SORBS2: variants seen among roughly 807,000 people sequenced by gnomAD.
SORBS2 encodes sorbin and SH3 domain-containing protein 2.
Under a neutral mutation model 97.7 loss-of-function variants are expected in SORBS2, and 46 were observed. The observed-to-expected ratio is 0.47, with a 90% CI of 0.37 to 0.60. The LOEUF (loss-of-function observed/expected upper bound fraction) is 0.60. Among genes scored for constraint, SORBS2 ranks in the 20% least tolerant of loss-of-function variants. The pLI is 0.00. For synonymous variants in SORBS2, 476 were observed against 473.4 expected (o/e 1.01, Z -0.07); for missense variants, 1,316 against 1,282.3 (o/e 1.03, Z -0.40).
chr4:185,808,334 A>G (rs2153664585), intron 1 of SORBS2, among the ~76,000 whole-genome samples: 1 of 152,272 alleles, frequency 6.6e-6, no homozygotes, highest in East Asian at 1.9e-4. Context: ...TTTATATACA[A>G]AAATTCATAC....
intron 4 of SORBS2, among the ~76,000 whole-genome samples, chr4:185,674,475 G>A (rs1184180517): frequency 6.6e-6 from 1 of 152,130 alleles, no homozygotes; most frequent in Non-Finnish European, 1.5e-5. Flanking sequence ...TGGTTTGCCT[G>A]ATCTCCTCCT....
At chr4:185,750,373 A>C (rs1175926727) in intron 2 of SORBS2, among the ~76,000 whole-genome samples, 1 of 152,238 alleles carries the variant, frequency 6.6e-6, no homozygotes, top group Non-Finnish European at 1.5e-5. Context: ...TGGAAACAGG[A>C]AGAACTGAGA....
At chr4:185,676,333 G>A (rs1375120555) in intron 4 of SORBS2, among the ~76,000 whole-genome samples, 1 of 152,184 alleles carries the variant, frequency 6.6e-6, no homozygotes, top group African/African-American at 2.4e-5. Context: ...ATTGTTCTAT[G>A]GAGAAGTCAA....
At chr4:185,601,515 C>G (rs1382810114) in intron 12 of SORBS2, among the ~76,000 whole-genome samples, 2 of 152,158 alleles carry the variant, frequency 1.3e-5, no homozygotes, top group African/African-American at 4.8e-5. Flanking sequence ...CAGATGGAAA[C>G]TCCTGGGTTC....
chr4:185,675,497 G>A (rs1582477563), intron 4 of SORBS2: 1 of 152,370 alleles, frequency 6.6e-6, no homozygotes, highest in East Asian at 1.9e-4. Flanking sequence ...CACTCTTTCA[G>A]AGTGGTGGCC....
Position 185,623,782 on chromosome 4 carries a change from G to A in SORBS2, c.1347C>T (p.Pro449=), listed in dbSNP as rs1285937022. 2 of 1,614,148 alleles carry A rather than the reference G, an allele frequency of 1.2e-6. No homozygotes were observed. Among genetic ancestry groups the A allele is most frequent in the Non-Finnish European group, 1.7e-6 (2 of 1,180,010 alleles). ...AATACTCAATGGAAAACCGCCTCTT[G>A]GGACATAGGCCATTTTGCGGTGGTT... The change falls in exon 7 of 15, where the codon CCC becomes CCT. Residue 449 remains proline (P), a synonymous_variant. Transcript: ENST00000418609. The surrounding 1 kb of genome is among the most constrained non-coding windows in gnomAD (Gnocchi z 6.4).
chr4:185,677,641 G>A (rs1220211858), intron 4 of SORBS2: 9 of 1,499,062 alleles, frequency 6.0e-6, no homozygotes, highest in Non-Finnish European at 8.0e-6. Flanking sequence ...GGGGGTGCCT[G>A]GATTGACAAT....
chr4:185,861,599 ATTT>A (rs57354475), intron 1 of SORBS2, among the ~76,000 whole-genome samples: 194 of 146,236 alleles, frequency 1.3e-3, no homozygotes, highest in Middle Eastern at 3.5e-3. Flanking sequence ...TCTGACTTCT[ATTT>A]TTTTTTTTTT....
At chr4:185,692,270 A>C (rs2098112641) in intron 2 of SORBS2, among the ~76,000 whole-genome samples, 1 of 152,228 alleles carries the variant, frequency 6.6e-6, no homozygotes, top group Admixed American at 6.5e-5. Context: ...GCACAGCACA[A>C]CACACTCACA....
exon 15 of SORBS2, chr4:185,585,702 T>A (rs932392164): frequency 6.6e-6 from 1 of 152,236 alleles, no homozygotes; most frequent in Non-Finnish European, 1.5e-5. Context: ...GATATTGAAG[T>A]CTTTTCTCAT....
At chr4:185,948,510 A>ATT (rs34637572) in intron 1 of SORBS2, among the ~76,000 whole-genome samples, 20,258 of 87,802 alleles carry the variant, frequency 0.23, 2,344 homozygotes, top group Admixed American at 0.28. Context: ...ATGAATTTCA[A>ATT]TTTTTTTTTT....
chr4:185,629,392 G>A (rs1009489215), intron 5 of SORBS2, among the ~76,000 whole-genome samples: 2 of 151,810 alleles, frequency 1.3e-5, no homozygotes, highest in African/African-American at 4.8e-5. Flanking sequence ...CAGTTGGATG[G>A]CACTCAGAAA....
chr4:185,715,973 T>A (rs1472165665), intron 2 of SORBS2, among the ~76,000 whole-genome samples: 2 of 152,216 alleles, frequency 1.3e-5, no homozygotes, highest in Non-Finnish European at 2.9e-5. Context: ...AGAAGTAACA[T>A]CTTTTTCTAT....
intron 4 of SORBS2, among the ~76,000 whole-genome samples, chr4:185,670,469 A>T (rs112290212): frequency 0.01 from 1,546 of 152,244 alleles, 30 homozygotes; most frequent in African/African-American, 0.033. Context: ...TAACACCTTT[A>T]GTCATTGAGC....
intron 1 of SORBS2, among the ~76,000 whole-genome samples, chr4:185,879,525 G>C (rs2099235815): frequency 6.6e-6 from 1 of 152,190 alleles, no homozygotes; most frequent in Non-Finnish European, 1.5e-5. Context: ...AGTCCTTTGA[G>C]TATATACCCA....
intron 12 of SORBS2, chr4:185,605,927 T>C: frequency 4.4e-6 from 1 of 225,934 alleles, no homozygotes; most frequent in Non-Finnish European, 7.4e-6. Context: ...CTGCCTTTGT[T>C]GATTAAAACC....
intron 1 of SORBS2, among the ~76,000 whole-genome samples, chr4:185,876,335 T>C (rs1035539676): frequency 1.3e-5 from 2 of 152,182 alleles, no homozygotes; most frequent in Admixed American, 6.5e-5. Flanking sequence ...CTCGAGCTCC[T>C]GACCTTAGGT....
chr4:185,906,683 AC>A (rs1455341610), intron 1 of SORBS2, among the ~76,000 whole-genome samples: 1 of 152,250 alleles, frequency 6.6e-6, no homozygotes, highest in Non-Finnish European at 1.5e-5. Context: ...ATGATTCCAT[AC>A]GTATCTCGGA....
At chr4:185,840,172 T>G (rs1056035292) in intron 1 of SORBS2, among the ~76,000 whole-genome samples, 2 of 152,156 alleles carry the variant, frequency 1.3e-5, no homozygotes. Flanking sequence ...CATTTGTGGA[T>G]GAACAGGGGT....
Sources: gnomAD v4.1 joint callset for allele counts (sites outside exome capture counted in the v4.1 genomes callset) on GRCh38, gnomAD v4.1.1 for gene constraint, Gnocchi (gnomAD v3.1) non-coding constraint, MANE v1.5 for transcripts, NCBI Gene and HGNC (gene_info 2026-07-23, HGNC 2026-07-21) for gene names.